Variants in UBE2E2 observed in about 807,000 individuals in gnomAD.
UBE2E2 encodes ubiquitin-conjugating enzyme E2 E2.
In UBE2E2, 6 loss-of-function variants were observed where a neutral mutation model predicts 24.7. The observed-to-expected ratio is 0.24, with a 90% CI of 0.13 to 0.48. UBE2E2 has a LOEUF of 0.48. UBE2E2 is among the 20% of genes least tolerant of loss of function. The probability of loss-of-function intolerance (pLI) is 0.99; values close to 1 mark genes in which losing one functional copy is unlikely to be tolerated. For synonymous variants in UBE2E2, 104 were observed against 83.6 expected (o/e 1.24, Z -1.33); for missense variants, 169 against 245.0 (o/e 0.69, Z 2.07).
At chr3:23,415,931 T>G (rs1164517036) in intron 3 of UBE2E2, among the ~76,000 whole-genome samples, 1 of 151,910 alleles carries the variant, frequency 6.6e-6, no homozygotes, top group Non-Finnish European at 1.5e-5. Context: ...TGTGTGATGT[T>G]CCCCTCCCTG....
chr3:23,530,911 C>G (rs542436039), intron 4 of UBE2E2, among the ~76,000 whole-genome samples: 1 of 152,070 alleles, frequency 6.6e-6, no homozygotes. Context: ...CAGCTTGTTG[C>G]GCTTACTATA....
chr3:23,356,264 A>G (rs1352801880), intron 3 of UBE2E2, among the ~76,000 whole-genome samples: 3 of 152,224 alleles, frequency 2.0e-5, no homozygotes, highest in Admixed American at 6.5e-5. Flanking sequence ...AGTTTAAGCC[A>G]GACAGTAACC....
At chr3:23,544,890 A>C (rs1175206820) in intron 5 of UBE2E2, among the ~76,000 whole-genome samples, 725 of 127,028 alleles carry the variant, frequency 5.7e-3, no homozygotes, top group South Asian at 0.014. Context: ...GTCACAAGAC[A>C]ATAGTGGGGA....
chr3:23,388,696 G>A (rs1340430784), intron 3 of UBE2E2, among the ~76,000 whole-genome samples: 1 of 151,936 alleles, frequency 6.6e-6, no homozygotes, highest in Non-Finnish European at 1.5e-5. Context: ...AAAAATATTT[G>A]GTCTTTGTTT....
In UBE2E2 at chr3:23,369,371, C is replaced by A. The variant is rs541020515; in HGVS notation, c.228-130237C>A. ...CCTCTAACATGTGTGATTAATAATA[C>A]ATTTCTCATGTATAGCCATAATGTG... On this transcript the variant is annotated intron_variant, in intron 3 of 5. Transcript: ENST00000396703. 2.6e-5 allele frequency among the ~76,000 whole-genome samples: 4 copies of A among 152,240 alleles called. No homozygotes were observed. In the South Asian group the frequency reaches 8.3e-4, roughly 32 times the overall value.
intron 3 of UBE2E2, among the ~76,000 whole-genome samples, chr3:23,225,896 T>C (rs1455049341): frequency 1.3e-5 from 2 of 152,118 alleles, no homozygotes; most frequent in East Asian, 3.9e-4. Flanking sequence ...GTTTTTGTTT[T>C]TGAGACAGAG....
intron 3 of UBE2E2, among the ~76,000 whole-genome samples, chr3:23,259,922 C>T (rs1276936191): frequency 6.6e-6 from 1 of 152,182 alleles, no homozygotes; most frequent in Non-Finnish European, 1.5e-5. Context: ...ACTGCAAAAT[C>T]CTGCTTAAGT....
At chr3:23,437,644 A>G (rs1698213501) in intron 3 of UBE2E2, among the ~76,000 whole-genome samples, 1 of 152,160 alleles carries the variant, frequency 6.6e-6, no homozygotes, top group Admixed American at 6.5e-5. Context: ...CACCATGAAC[A>G]CTTTCCTTGT....
intron 5 of UBE2E2, among the ~76,000 whole-genome samples, chr3:23,561,162 A>G (rs1695919507): frequency 6.6e-6 from 1 of 152,126 alleles, no homozygotes; most frequent in African/African-American, 2.4e-5. Flanking sequence ...TATGTCCTGA[A>G]TGGTATTGCC....
chr3:23,573,779 G>A (rs745726090), intron 5 of UBE2E2, among the ~76,000 whole-genome samples: 13 of 152,258 alleles, frequency 8.5e-5, no homozygotes, highest in Admixed American at 3.9e-4. Flanking sequence ...GATTAAAAGC[G>A]TGGATTTTGT....
At chr3:23,351,750 TACAA>T (rs1437697426) in intron 3 of UBE2E2, among the ~76,000 whole-genome samples, 3 of 152,114 alleles carry the variant, frequency 2.0e-5, no homozygotes, top group African/African-American at 7.2e-5. Context: ...CTTAGTGACA[TACAA>T]AGAGACTTAG....
chr3:23,366,947 TG>T, intron 3 of UBE2E2, among the ~76,000 whole-genome samples: 1 of 152,352 alleles, frequency 6.6e-6, no homozygotes, highest in Admixed American at 6.5e-5. Context: ...ATTTTTTGTA[TG>T]TACAATAGCA....
At chr3:23,325,395 A>C (rs185208471) in intron 3 of UBE2E2, among the ~76,000 whole-genome samples, 29 of 152,294 alleles carry the variant, frequency 1.9e-4, no homozygotes, top group Middle Eastern at 3.4e-3. Flanking sequence ...CACATTATTC[A>C]CTTACCAGGA....
chr3:23,212,490 G>A (rs903233442), intron 2 of UBE2E2, among the ~76,000 whole-genome samples: 1 of 152,068 alleles, frequency 6.6e-6, no homozygotes, highest in Non-Finnish European at 1.5e-5. Flanking sequence ...TTTACGGGTT[G>A]ATACATCTGT....
In UBE2E2 at chr3:23,234,403, C is replaced by G. The variant is rs993843780; in HGVS notation, c.227+17091C>G. 6.6e-5 allele frequency among the ~76,000 whole-genome samples: 10 copies of G among 152,184 alleles called. 2 individuals carry two copies. The highest frequency in any genetic ancestry group is 1.3e-4 in the Admixed American group (2 of 15,278). On this transcript the variant is annotated intron_variant, in intron 3 of 5. Coordinates refer to ENST00000396703, the MANE Select transcript of UBE2E2 (RefSeq NM_152653.4). ...TGGAAGGTAGTCAGAGATTGATGTTCAGTTGGACACATACATTCAAATTCA... is the reference window on the plus strand; with the variant it reads ...TGGAAGGTAGTCAGAGATTGATGTTGAGTTGGACACATACATTCAAATTCA...
chr3:23,328,661 TC>T (rs1377976993), intron 3 of UBE2E2, among the ~76,000 whole-genome samples: 6 of 48,116 alleles, frequency 1.2e-4, no homozygotes, highest in African/African-American at 6.1e-4. Flanking sequence ...TCTCTCTCTC[TC>T]TTTTTTTTTT....
intron 3 of UBE2E2, among the ~76,000 whole-genome samples, chr3:23,413,556 C>T (rs1697548005): frequency 6.6e-6 from 1 of 152,048 alleles, no homozygotes; most frequent in African/African-American, 2.4e-5. Context: ...GTAAAAGATT[C>T]TCCTCTCTCT....
At chr3:23,250,897 G>A (rs1697557321) in intron 3 of UBE2E2, among the ~76,000 whole-genome samples, 1 of 152,016 alleles carries the variant, frequency 6.6e-6, no homozygotes, top group Admixed American at 6.6e-5. Flanking sequence ...GCACTCTGTC[G>A]CCCAGGCTGG....
intron 1 of UBE2E2, among the ~76,000 whole-genome samples, 156 bp downstream of exon 1, chr3:23,203,620 C>A (rs1696032521): frequency 6.7e-6 from 1 of 149,242 alleles, no homozygotes; most frequent in African/African-American, 2.5e-5. Context: ...GTGCCCGGTT[C>A]CCTACGCCCC....
Sources: gnomAD v4.1 joint callset for allele counts (sites outside exome capture counted in the v4.1 genomes callset) on GRCh38, gnomAD v4.1.1 for gene constraint, MANE v1.5 for transcripts, NCBI Gene and HGNC (gene_info 2026-07-23, HGNC 2026-07-21) for gene names.